Variants in DLG2 observed in about 807,000 individuals in gnomAD.
DLG2 encodes discs large MAGUK scaffold protein 2.
A neutral mutation model predicts 132.5 loss-of-function variants in DLG2; 45 were observed. That is an observed-to-expected ratio of 0.34 (90% CI 0.27 to 0.44). DLG2 has a LOEUF of 0.44. Ranked by LOEUF, DLG2 falls within the 20% of genes least tolerant of loss-of-function variation. The probability of loss-of-function intolerance (pLI) is 1.00; values close to 1 mark genes in which losing one functional copy is unlikely to be tolerated. For synonymous variants in DLG2, 424 were observed against 419.6 expected, an observed-to-expected ratio of 1.01 and a Z score of -0.13; for missense variants, 1,045 against 1,196.9, an observed-to-expected ratio of 0.87 and a Z score of 1.87.
intron 7 of DLG2, among the ~76,000 whole-genome samples, chr11:84,450,780 G>T (rs2099049280): frequency 6.6e-6 from 1 of 151,144 alleles, no homozygotes; most frequent in African/African-American, 2.4e-5. Flanking sequence ...ATTTTTCATG[G>T]TTTCCTTGTA....
chr11:85,363,181 C>T (rs1162106215), intron 3 of DLG2, among the ~76,000 whole-genome samples: 2 of 152,332 alleles, frequency 1.3e-5, no homozygotes, highest in East Asian at 1.9e-4. Context: ...GTGAAACCAT[C>T]ATGGTATTTA....
intron 4 of DLG2, among the ~76,000 whole-genome samples, chr11:85,166,160 C>T (rs1211105267): frequency 6.6e-6 from 1 of 152,128 alleles, no homozygotes; most frequent in Admixed American, 6.6e-5. Context: ...AGAAACATCT[C>T]TCTCTCCTAT....
At chr11:85,056,065 TATA>T (rs1468711475) in intron 6 of DLG2, among the ~76,000 whole-genome samples, 5 of 152,122 alleles carry the variant, frequency 3.3e-5, no homozygotes, top group African/African-American at 9.7e-5. Context: ...ATTTTTCATA[TATA>T]ATAACTGTCA....
chr11:84,875,346 T>C (rs1399114574), intron 6 of DLG2, among the ~76,000 whole-genome samples: 2 of 152,084 alleles, frequency 1.3e-5, no homozygotes, highest in African/African-American at 4.8e-5. Flanking sequence ...GATAACTAAT[T>C]TCATGCAAAG....
Position 84,894,018 on chromosome 11 carries a change from GT to G in DLG2, c.357+217642del, listed in dbSNP as rs2089837505. On this transcript the variant is annotated intron_variant, in intron 6 of 27. Transcript: ENST00000376104. Reference sequence around the variant, plus strand: ...CAGAATTTTATGAAGCCAGTTCTCTGTAATGACTATGGAAAACAGTCTCAAA... The same window carrying G: ...CAGAATTTTATGAAGCCAGTTCTCTGAATGACTATGGAAAACAGTCTCAAA... Among the ~76,000 whole-genome samples the G allele has an allele frequency of 1.1e-4, 17 of 152,232 alleles. No homozygotes were observed. In the South Asian group the frequency reaches 3.5e-3, roughly 32 times the overall value.
chr11:85,059,563 T>C (rs1426731277), intron 6 of DLG2, among the ~76,000 whole-genome samples: 2 of 151,334 alleles, frequency 1.3e-5, no homozygotes, highest in Admixed American at 6.6e-5. Flanking sequence ...GATCACCATA[T>C]GGGAATGAAA....
chr11:84,667,091 TGTTA>T (rs1172333771), intron 6 of DLG2, among the ~76,000 whole-genome samples: 1 of 152,190 alleles, frequency 6.6e-6, no homozygotes. Context: ...GTTATGTGAG[TGTTA>T]GTTATTATTA....
intron 6 of DLG2, among the ~76,000 whole-genome samples, chr11:84,639,352 T>G (rs1296537459): frequency 2.7e-5 from 3 of 109,434 alleles, no homozygotes; most frequent in South Asian, 3.0e-4. Context: ...ATCTGTGTTT[T>G]TTTTTTTTTT....
chr11:84,769,391 G>C (rs1210170766), intron 6 of DLG2, among the ~76,000 whole-genome samples: 2 of 152,048 alleles, frequency 1.3e-5, no homozygotes, highest in Non-Finnish European at 2.9e-5. Flanking sequence ...AAGAATTTCA[G>C]GGCACGAAGA....
At position 85,482,682 on chromosome 11, in the gene DLG2, C is replaced by A. The variant is rs142677012; in HGVS notation, c.40+115975G>T. On this transcript the variant is annotated intron_variant, in intron 3 of 27. Transcript: ENST00000376104. ...AATGGTCCCAGGTATCAGGCAAGTA[C>A]TTGTGATCCTAAGCTCCAAACCAGT... is the stretch of plus-strand genomic sequence containing the variant. 3.6e-3 allele frequency among the ~76,000 whole-genome samples: 555 copies of A among 152,198 alleles called. 1 individual carries two copies. Among genetic ancestry groups the A allele is most frequent in the Middle Eastern group, 0.02 (6 of 294 alleles).
chr11:84,995,900 AT>A (rs2057606444), intron 6 of DLG2, among the ~76,000 whole-genome samples: 1 of 152,090 alleles, frequency 6.6e-6, no homozygotes, highest in South Asian at 2.1e-4. Context: ...TGCTTCATTC[AT>A]TCTCTCTGCT....
chr11:83,828,891 T>C (rs928956398), intron 17 of DLG2, among the ~76,000 whole-genome samples: 1 of 152,200 alleles, frequency 6.6e-6, no homozygotes. Context: ...TATATGTGTT[T>C]ATATACATAT....
chr11:84,495,957 T>C (rs898239947), intron 7 of DLG2, among the ~76,000 whole-genome samples: 1 of 152,116 alleles, frequency 6.6e-6, no homozygotes, highest in Admixed American at 6.6e-5. Flanking sequence ...GGCTTTCAGG[T>C]CCAGAGCAGG....
At chr11:85,478,871 A>G (rs1173253522) in intron 3 of DLG2, among the ~76,000 whole-genome samples, 2 of 152,236 alleles carry the variant, frequency 1.3e-5, no homozygotes, top group Non-Finnish European at 2.9e-5. Flanking sequence ...ATGCATAAAA[A>G]CAAATGCCAA....
At chr11:84,586,402 A>G (rs1425487698) in intron 6 of DLG2, among the ~76,000 whole-genome samples, 2 of 152,046 alleles carry the variant, frequency 1.3e-5, no homozygotes, top group Non-Finnish European at 2.9e-5. Flanking sequence ...TTTATTTAGC[A>G]TTTGCCTAGT....
At chr11:84,834,219 A>T (rs1401333156) in intron 6 of DLG2, among the ~76,000 whole-genome samples, 2 of 151,686 alleles carry the variant, frequency 1.3e-5, no homozygotes, top group East Asian at 3.9e-4. Context: ...GTTATTTACA[A>T]ACTAAAAGTT....
intron 4 of DLG2, among the ~76,000 whole-genome samples, chr11:85,220,308 T>C (rs968584480): frequency 6.6e-6 from 1 of 152,124 alleles, no homozygotes; most frequent in African/African-American, 2.4e-5. Flanking sequence ...AGGTGCTATT[T>C]AAGCATCTAA....
At chr11:85,465,213 G>A (rs1341551362) in intron 3 of DLG2, among the ~76,000 whole-genome samples, 1 of 144,848 alleles carries the variant, frequency 6.9e-6, no homozygotes, top group African/African-American at 2.6e-5. Context: ...CACAATCATA[G>A]CTCACTGGAA....
At chr11:85,468,523 A>C (rs1353563914) in intron 3 of DLG2, among the ~76,000 whole-genome samples, 3 of 152,064 alleles carry the variant, frequency 2.0e-5, no homozygotes, top group Non-Finnish European at 2.9e-5. Flanking sequence ...CTTTGTTCTC[A>C]TTGGTTTCAA....
Sources: gnomAD v4.1 joint callset for allele counts (sites outside exome capture counted in the v4.1 genomes callset) on GRCh38, gnomAD v4.1.1 for gene constraint, MANE v1.5 for transcripts, NCBI Gene and HGNC (gene_info 2026-07-23, HGNC 2026-07-21) for gene names.